Variants in RBM33 observed in about 807,000 individuals in gnomAD.
The protein encoded by RBM33 is RNA binding motif protein 33.
In RBM33, 28 loss-of-function variants were observed where a neutral mutation model predicts 132.6. The ratio of observed to expected loss-of-function variants is 0.21; its 90% confidence interval spans 0.16 to 0.29. The LOEUF (loss-of-function observed/expected upper bound fraction) is 0.29. Ranked by LOEUF, RBM33 falls within the 10% of genes least tolerant of loss-of-function variation. The probability of loss-of-function intolerance (pLI) is 1.00; values close to 1 mark genes in which losing one functional copy is unlikely to be tolerated. For synonymous variants in RBM33, 634 were observed against 593.0 expected (o/e 1.07, Z -1.01); for missense variants, 1,291 against 1,518.5 (o/e 0.85, Z 2.49).
chr7:155,750,793 A>G lies in RBM33; in HGVS notation c.2979+5191A>G, dbSNP rs555820261. On this transcript the variant is annotated intron_variant, in intron 14 of 17. Transcript: ENST00000401878. The stretch of plus-strand genomic sequence containing the variant: ...TTTAAGAAAATGAAAGCAAATACCA[A>G]TTCAGCTGCTTTATTCTAATCAAGT... Among the ~76,000 whole-genome samples the G allele has an allele frequency of 1.1e-4, 16 of 152,224 alleles. No homozygotes were observed. In the South Asian group the frequency reaches 2.9e-3, roughly 28 times the overall value.
chr7:155,734,593 C>CA (rs1364208423), intron 9 of RBM33, among the ~76,000 whole-genome samples: 1 of 152,126 alleles, frequency 6.6e-6, no homozygotes, highest in Non-Finnish European at 1.5e-5. Flanking sequence ...GTCTCAGTGA[C>CA]ATCATTTTGA....
chr7:155,678,485 C>T, intron 3 of RBM33, 123 bp from the exon 4 acceptor site: 1 of 603,700 alleles, frequency 1.7e-6, no homozygotes. Flanking sequence ...GACCAGAAAG[C>T]CTTCCGGGTG....
chr7:155,650,016 G>A (rs1001217002), intron 1 of RBM33, among the ~76,000 whole-genome samples: 12 of 152,156 alleles, frequency 7.9e-5, no homozygotes, highest in African/African-American at 2.9e-4. Context: ...ATACATGGGA[G>A]CCCCCAACAC....
chr7:155,769,319 G>A (rs142027625), intron 16 of RBM33, among the ~76,000 whole-genome samples: 38 of 152,268 alleles, frequency 2.5e-4, no homozygotes, highest in African/African-American at 6.7e-4. Flanking sequence ...TGTTTCTTGC[G>A]GGAAAGCACA....
chr7:155,777,617 A>G lies in RBM33; in HGVS notation c.*2576A>G, dbSNP rs1802665372. ...CATTATCTTTGTTCTTGAGTTCATC[A>G]TGCATTTAAAATGAGATGCAAGAGC... On this transcript the variant is annotated 3_prime_UTR_variant, in exon 18 of 18. Transcript: ENST00000401878. 6.6e-6 allele frequency: 1 copy of G among 152,650 alleles called. No individual in the cohort carries two copies. The highest frequency in any genetic ancestry group is 1.5e-5 in the Non-Finnish European group (1 of 68,036). The allele number at this position is 152,650 out of a possible 1,614,324, so 9.5% of individuals were successfully genotyped here. A position where few individuals can be genotyped will look rare whatever the true frequency, so the allele number is the denominator to read the frequency against.
intron 16 of RBM33, among the ~76,000 whole-genome samples, chr7:155,768,908 C>A (rs1254357323): frequency 1.3e-5 from 2 of 152,196 alleles, no homozygotes; most frequent in Admixed American, 6.5e-5. Context: ...CCACCGCACC[C>A]GGCTGTCACT....
intron 5 of RBM33, among the ~76,000 whole-genome samples, chr7:155,684,229 C>A (rs535250587): frequency 2.1e-4 from 32 of 152,260 alleles, no homozygotes; most frequent in African/African-American, 7.5e-4. Flanking sequence ...TGCTTTGGAA[C>A]CATTTTACTG....
intron 3 of RBM33, among the ~76,000 whole-genome samples, chr7:155,675,328 T>C (rs1799151546): frequency 6.6e-6 from 1 of 151,098 alleles, no homozygotes; most frequent in Non-Finnish European, 1.5e-5. Flanking sequence ...ATTATAGATA[T>C]AAAACGTTAC....
intron 14 of RBM33, among the ~76,000 whole-genome samples, chr7:155,751,623 A>G (rs1016857590): frequency 3.3e-5 from 5 of 152,170 alleles, no homozygotes; most frequent in Admixed American, 3.3e-4. Flanking sequence ...CAGGTTGTCC[A>G]TATTTGGCAG....
intron 5 of RBM33, among the ~76,000 whole-genome samples, chr7:155,684,520 T>C (rs529156916): frequency 3.3e-5 from 5 of 152,312 alleles, no homozygotes; most frequent in African/African-American, 1.2e-4. Flanking sequence ...CTCCTCTGTT[T>C]AATTGCTGAC....
intron 5 of RBM33, among the ~76,000 whole-genome samples, chr7:155,683,044 A>T (rs1247174550): frequency 4.0e-5 from 6 of 151,228 alleles, no homozygotes; most frequent in Non-Finnish European, 8.8e-5. Flanking sequence ...AAGTGTTCTG[A>T]TGTTTTCACA....
chr7:155,678,507 A>C, intron 3 of RBM33, 101 bp from the exon 4 acceptor site: 2 of 727,772 alleles, frequency 2.7e-6, no homozygotes, highest in Non-Finnish European at 4.5e-6. Flanking sequence ...CAAACGTTTT[A>C]ATATAAGGCT....
At position 155,748,711 on chromosome 7, in the gene RBM33, A is replaced by G. The variant is rs573386958; in HGVS notation, c.2979+3109A>G. On this transcript the variant is annotated intron_variant, in intron 14 of 17. Coordinates refer to ENST00000401878, the MANE Select transcript of RBM33 (RefSeq NM_053043.3). ...CCTGTGGTTAATTATATCGCCTTTC[A>G]GGTGATTTTCCTTGGTCCTTGTCAT... 2.6e-5 allele frequency among the ~76,000 whole-genome samples: 4 copies of G among 151,488 alleles called. No homozygotes were observed. In the South Asian group the frequency reaches 8.3e-4, roughly 32 times the overall value.
At chr7:155,717,214 G>C (rs1012600346) in intron 8 of RBM33, among the ~76,000 whole-genome samples, 1 of 152,182 alleles carries the variant, frequency 6.6e-6, no homozygotes, top group Admixed American at 6.5e-5. Flanking sequence ...AATAGGGTGA[G>C]TTAAACAACA....
chr7:155,749,906 T>G (rs2117044476), intron 14 of RBM33, among the ~76,000 whole-genome samples: 1 of 152,360 alleles, frequency 6.6e-6, no homozygotes, highest in East Asian at 1.9e-4. Flanking sequence ...TAAGTCACAT[T>G]TTGCATTTAA....
At chr7:155,701,690 T>G (rs1352197589) in intron 6 of RBM33, among the ~76,000 whole-genome samples, 3 of 152,160 alleles carry the variant, frequency 2.0e-5, no homozygotes, top group African/African-American at 2.4e-5. Context: ...AGTTGTATTT[T>G]TTTTGTTTTG....
At chr7:155,654,925 A>G (rs1054059747) in intron 1 of RBM33, among the ~76,000 whole-genome samples, 3 of 152,160 alleles carry the variant, frequency 2.0e-5, no homozygotes, top group Admixed American at 6.6e-5. Context: ...TAGTTTTACA[A>G]TTGTTTTTAT....
At chr7:155,741,169 C>G (rs1801319664) in intron 12 of RBM33, among the ~76,000 whole-genome samples, 1 of 152,128 alleles carries the variant, frequency 6.6e-6, no homozygotes, top group African/African-American at 2.4e-5. Context: ...TCTCATGACC[C>G]TCGTGCACTG....
intron 14 of RBM33, among the ~76,000 whole-genome samples, chr7:155,759,978 G>A (rs531595427): frequency 1.3e-5 from 2 of 152,250 alleles, no homozygotes; most frequent in Admixed American, 1.3e-4. Flanking sequence ...CTGAAAGTTG[G>A]CCTTTTATTA....
Sources: gnomAD v4.1 joint callset for allele counts (sites outside exome capture counted in the v4.1 genomes callset) on GRCh38, gnomAD v4.1.1 for gene constraint, MANE v1.5 for transcripts, NCBI Gene and HGNC (gene_info 2026-07-23, HGNC 2026-07-21) for gene names.